Variants in NEBL observed in about 807,000 individuals in gnomAD.
The protein encoded by NEBL is nebulette.
NEBL carries 122 observed loss-of-function variants against 140.2 expected under a neutral mutation model. That is an observed-to-expected ratio of 0.87 (90% CI 0.75 to 1.01). The LOEUF (loss-of-function observed/expected upper bound fraction) is 1.01, where lower values mean the gene tolerates loss of function less well. NEBL is among the 50% of genes least tolerant of loss of function. The pLI is 0.00. For missense variants in NEBL, 1,365 were observed against 1,231.3 expected, an observed-to-expected ratio of 1.11 and a Z score of -1.62; for synonymous variants, 436 against 398.9, an observed-to-expected ratio of 1.09 and a Z score of -1.11.
At chr10:20,879,262 G>A (rs1387925183) in intron 5 of NEBL, among the ~76,000 whole-genome samples, 3 of 152,274 alleles carry the variant, frequency 2.0e-5, no homozygotes, top group South Asian at 4.1e-4. Context: ...TACAAAATAA[G>A]AATCAGTACA....
At chr10:20,893,479 G>A (rs1484703146) in intron 2 of NEBL, among the ~76,000 whole-genome samples, 1 of 152,172 alleles carries the variant, frequency 6.6e-6, no homozygotes, top group Non-Finnish European at 1.5e-5. Context: ...CATAATGTGG[G>A]TAGAGCAAGT....
chr10:20,933,855 G>A (rs1237708048), intron 4 of NEBL, among the ~76,000 whole-genome samples: 1 of 152,204 alleles, frequency 6.6e-6, no homozygotes, highest in East Asian at 1.9e-4. Flanking sequence ...GTTCTCAAGT[G>A]AGGACGGTTC....
intron 3 of NEBL, among the ~76,000 whole-genome samples, chr10:21,213,869 A>G (rs536208751): frequency 1.4e-4 from 21 of 152,320 alleles, no homozygotes; most frequent in African/African-American, 5.1e-4. Context: ...GAGGAAGTCC[A>G]ACAAGCTCGA....
chr10:21,180,436 A>T (rs1023638274), intron 3 of NEBL, among the ~76,000 whole-genome samples: 2 of 152,224 alleles, frequency 1.3e-5, no homozygotes, highest in South Asian at 4.1e-4. Context: ...TAAAATTTCA[A>T]CAAGTGTCAT....
intron 11 of NEBL, 194 bp from the exon 12 acceptor site, chr10:20,845,562 T>A: frequency 1.9e-6 from 1 of 535,220 alleles, no homozygotes; most frequent in Non-Finnish European, 3.3e-6. Flanking sequence ...AGGAGAATTA[T>A]TAAGTGGACT....
At chr10:21,047,987 C>T (rs1424253227) in intron 2 of NEBL, among the ~76,000 whole-genome samples, 3 of 152,128 alleles carry the variant, frequency 2.0e-5, no homozygotes, top group Non-Finnish European at 4.4e-5. Flanking sequence ...GTACACAGCA[C>T]CAGAGGATAT....
At chr10:20,892,780 CAG>C (rs1241520230) in intron 2 of NEBL, among the ~76,000 whole-genome samples, 4 of 152,188 alleles carry the variant, frequency 2.6e-5, no homozygotes, top group Admixed American at 2.6e-4. Flanking sequence ...AATCGGATGA[CAG>C]ACATGGAGAT....
chr10:20,789,117 C>T (rs1835695771), intron 26 of NEBL, among the ~76,000 whole-genome samples: 1 of 152,158 alleles, frequency 6.6e-6, no homozygotes, highest in African/African-American at 2.4e-5. Context: ...ACCCAATTAA[C>T]AAAATGGCAC....
intron 3 of NEBL, among the ~76,000 whole-genome samples, chr10:21,195,187 C>T (rs953176021): frequency 2.0e-5 from 3 of 152,126 alleles, no homozygotes; most frequent in African/African-American, 7.2e-5. Flanking sequence ...CAAGCAGTCA[C>T]CCTAGAAATG....
chr10:21,217,702 A>C (rs1564544295), intron 3 of NEBL, among the ~76,000 whole-genome samples: 1 of 152,224 alleles, frequency 6.6e-6, no homozygotes, highest in Admixed American at 6.5e-5. Context: ...CTATAGTATT[A>C]CTTGAAGATT....
chr10:20,866,381 T>C (rs140635118), intron 7 of NEBL, among the ~76,000 whole-genome samples: 4,067 of 152,218 alleles, frequency 0.027, 79 homozygotes, highest in South Asian at 0.041. Context: ...TTTTATGTTA[T>C]ATAAATCTTA....
At chr10:20,870,784 G>A (rs552305521) in intron 5 of NEBL, among the ~76,000 whole-genome samples, 1 of 152,306 alleles carries the variant, frequency 6.6e-6, no homozygotes, top group East Asian at 1.9e-4. Flanking sequence ...CTGAATGCAT[G>A]TTAGACACAA....
At chr10:21,063,204 C>T (rs369927283) in intron 2 of NEBL, among the ~76,000 whole-genome samples, 1 of 152,110 alleles carries the variant, frequency 6.6e-6, no homozygotes, top group East Asian at 1.9e-4. Flanking sequence ...CACGCAGTTC[C>T]GATCTTGCTC....
At chr10:21,163,014 A>G (rs1235053386) in intron 2 of NEBL, among the ~76,000 whole-genome samples, 2 of 152,224 alleles carry the variant, frequency 1.3e-5, no homozygotes, top group Admixed American at 6.5e-5. Context: ...GGATATTCCA[A>G]TGAATCCTTA....
At chr10:20,924,527 A>G (rs868673146) in intron 4 of NEBL, among the ~76,000 whole-genome samples, 22 of 151,260 alleles carry the variant, frequency 1.5e-4, no homozygotes, top group African/African-American at 5.3e-4. Flanking sequence ...CTTGTATAAA[A>G]AAAAAAAAAA....
At chr10:21,078,731 C>G (rs549160431) in intron 2 of NEBL, among the ~76,000 whole-genome samples, 52 of 152,218 alleles carry the variant, frequency 3.4e-4, no homozygotes, top group Non-Finnish European at 6.6e-4. Flanking sequence ...AGATCATTCT[C>G]TCTATATCCA....
chr10:21,033,101 G>A (rs685192), intron 2 of NEBL, among the ~76,000 whole-genome samples: 92,501 of 152,010 alleles, frequency 0.61, 28,188 homozygotes, highest in East Asian at 0.73. Context: ...TATTGATCAC[G>A]GGAATACACA....
At position 21,173,992 on chromosome 10, in the gene NEBL, G is replaced by A. The variant is rs568718562; in HGVS notation, c.-159C>T. On this transcript the variant is annotated 5_prime_UTR_variant, in exon 1 of 7. Coordinates refer to the NEBL transcript ENST00000417816. The surrounding 1 kb of genome is among the most constrained non-coding windows in gnomAD (Gnocchi z 5.7). ...GGCGCCGGGCCACGGGTGAGTGCAC[G>A]GGGAGGGCGACGGGGCCTGGCGCCT... 1.6e-6 allele frequency: 2 copies of A among 1,226,302 alleles called. No homozygotes were observed. The highest frequency in any genetic ancestry group is 1.0e-6 in the Non-Finnish European group (1 of 987,706). 76.0% of individuals were successfully genotyped at this position (1,226,302 alleles called of 1,614,324 possible).
At chr10:20,961,536 T>C (rs192808148) in intron 4 of NEBL, 116 of 750,062 alleles carry the variant, frequency 1.5e-4, no homozygotes, top group African/African-American at 1.5e-3. Context: ...CCAGATGAAA[T>C]TGGCATAGTC....
Sources: allele counts gnomAD v4.1 joint callset (sites outside exome capture counted in the v4.1 genomes callset), GRCh38; gene constraint gnomAD v4.1.1; non-coding constraint Gnocchi (gnomAD v3.1); transcripts MANE v1.5; gene names NCBI Gene and HGNC (gene_info 2026-07-23, HGNC 2026-07-21).